BRI3: variants seen among roughly 807,000 people sequenced by gnomAD.
BRI3 encodes the protein membrane protein BRI3.
A neutral mutation model predicts 12.8 loss-of-function variants in BRI3; 6 were observed. That is an observed-to-expected ratio of 0.47 (90% CI 0.26 to 0.93). The LOEUF (loss-of-function observed/expected upper bound fraction) is 0.93. Ranked by LOEUF, BRI3 falls within the 40% of genes least tolerant of loss-of-function variation. The pLI, the probability that BRI3 is intolerant of heterozygous loss-of-function variation, is 0.15. For missense variants in BRI3, 134 were observed against 171.1 expected, an observed-to-expected ratio of 0.78 and a Z score of 1.21; for synonymous variants, 91 against 76.1, an observed-to-expected ratio of 1.20 and a Z score of -1.02.
chr7:98,315,408 A>G (rs1801037857), downstream of BRI3: 6 of 1,333,908 alleles, frequency 4.5e-6, no homozygotes, highest in Non-Finnish European at 5.8e-6. Flanking sequence ...GGGGCATTTA[A>G]ATATGAAATA....
downstream of BRI3, chr7:98,292,873 G>T (rs188329372): frequency 1.4e-6 from 2 of 1,445,418 alleles, no homozygotes; most frequent in Admixed American, 5.4e-5. Flanking sequence ...AGGAGCTCTC[G>T]GAGGAGATTT....
chr7:98,308,189 G>A (rs1800735350), exon 2 of BRI3: 1 of 569,086 alleles, frequency 1.8e-6, no homozygotes, highest in Non-Finnish European at 3.3e-6. Context: ...GGGTTGATCT[G>A]CACTGCTTTA....
downstream of BRI3, chr7:98,293,340 A>C (rs1227099174): frequency 5.2e-6 from 3 of 573,568 alleles, no homozygotes. Context: ...ATTTATCTTA[A>C]AGGCAGAAAC....
At chr7:98,317,684 C>A in the BRI3 span, among the ~76,000 whole-genome samples, 1 of 151,656 alleles carries the variant, frequency 6.6e-6, no homozygotes, top group Non-Finnish European at 1.5e-5. Context: ...CATTTCACAC[C>A]ATCCTTACAC....
In BRI3 at chr7:98,281,805, A is replaced by G; in HGVS notation, c.10A>G (p.Lys4Glu). 8.2e-7 allele frequency: 1 copy of G among 1,222,450 alleles called. No individual in the cohort carries two copies. The highest frequency in any genetic ancestry group is 3.0e-5 in the South Asian group (1 of 33,352). The allele number at this position is 1,222,450 out of a possible 1,614,324, so 75.7% of individuals were successfully genotyped here. MDH[K>E]PLLQERPPAY... ...GCGCGGCCGGGCCGCCATGGACCACAAGCCGCTGCTGCAGGAGCGGCCGCC... is the reference window on the plus strand; with the variant it reads ...GCGCGGCCGGGCCGCCATGGACCACGAGCCGCTGCTGCAGGAGCGGCCGCC... The change falls in exon 1 of 3, where the codon AAG (lysine) becomes GAG (glutamate). Residue 4 changes from lysine (K) to glutamate (E), a missense_variant. Lys to Glu is a moderately conservative substitution (Grantham distance 56). Coordinates refer to ENST00000297290, the MANE Select transcript of BRI3 (RefSeq NM_015379.5).
intron 2 of BRI3, among the ~76,000 whole-genome samples, chr7:98,287,730 G>A (rs1409159288): frequency 1.3e-5 from 2 of 152,228 alleles, no homozygotes; most frequent in African/African-American, 4.8e-5. Flanking sequence ...TTGGACTTGG[G>A]TCCCAGGCGC....
Position 98,286,568 on chromosome 7 carries a change from G to A in BRI3, c.245+4115G>A, listed in dbSNP as rs530761194. On this transcript the variant is annotated intron_variant, in intron 2 of 2. Transcript: ENST00000297290. ...GGGCTCTTCCGGGTTTGGAAGGGAG[G>A]AGAACTCGAGGCTGTGGGGACCGCA... 2.4e-4 allele frequency among the ~76,000 whole-genome samples: 37 copies of A among 152,224 alleles called. 1 individual carries two copies. The South Asian group carries it at 6.8e-3, about 28-fold the overall frequency.
At chr7:98,306,450 C>T (rs754822606), upstream of BRI3, 20 of 1,614,082 alleles carry the variant, frequency 1.2e-5, no homozygotes, top group Admixed American at 2.5e-4. Context: ...TTGGCGTGGG[C>T]ACGGTCACTG....
At chr7:98,315,233 C>T (rs965854880), downstream of BRI3, among the ~76,000 whole-genome samples, 2 of 152,142 alleles carry the variant, frequency 1.3e-5, no homozygotes, top group African/African-American at 2.4e-5. Context: ...GGGATCCTCC[C>T]ACCTCAGCCT....
At chr7:98,315,325 G>C (rs1263703475), downstream of BRI3, 17 of 717,480 alleles carry the variant, frequency 2.4e-5, no homozygotes, top group Non-Finnish European at 3.4e-5. Context: ...ACAGAGTTTT[G>C]CCATGTTGCC....
chr7:98,312,781 G>A (rs1241105112), downstream of BRI3, among the ~76,000 whole-genome samples: 1 of 152,140 alleles, frequency 6.6e-6, no homozygotes, highest in Non-Finnish European at 1.5e-5. Flanking sequence ...GGGCAGTGCT[G>A]AGGGACGCCC....
chr7:98,299,146 G>C (rs1800310884), intron 1 of BRI3, among the ~76,000 whole-genome samples: 1 of 152,116 alleles, frequency 6.6e-6, no homozygotes, highest in South Asian at 2.1e-4. Context: ...CTCCCGAGTA[G>C]CTGGGATTAC....
chr7:98,315,102 C>T (rs1347925506), downstream of BRI3, among the ~76,000 whole-genome samples: 1 of 152,084 alleles, frequency 6.6e-6, no homozygotes, highest in Non-Finnish European at 1.5e-5. Flanking sequence ...AGGTGAGTGG[C>T]GTGCATGTGT....
the BRI3 span, among the ~76,000 whole-genome samples, chr7:98,318,852 G>A: frequency 6.6e-6 from 1 of 150,870 alleles, no homozygotes; most frequent in African/African-American, 2.4e-5. Context: ...GCTGAGGTAG[G>A]AGAATCGCTG....
At chr7:98,290,178 GTTGTTTT>G (rs1322538258) in intron 2 of BRI3, among the ~76,000 whole-genome samples, 3 of 92,310 alleles carry the variant, frequency 3.2e-5, no homozygotes, top group South Asian at 3.1e-4. Flanking sequence ...GCCTCTCAAG[GTTGTTTT>G]TTTTTTTTTT....
chr7:98,315,289 T>C (rs967955558), downstream of BRI3, among the ~76,000 whole-genome samples: 2 of 148,662 alleles, frequency 1.3e-5, no homozygotes, highest in Non-Finnish European at 3.0e-5. Flanking sequence ...GCCTGGCTAG[T>C]TTTTTTTTTA....
chr7:98,292,590 G>A (rs1472904765), downstream of BRI3: 2 of 1,535,670 alleles, frequency 1.3e-6, no homozygotes, highest in East Asian at 4.9e-5. Context: ...ATAGGGCCAG[G>A]TTCCGAGGGC....
chr7:98,282,611 C>A (rs1799563780), intron 2 of BRI3, 158 bp downstream of exon 2: 5 of 644,270 alleles, frequency 7.8e-6, no homozygotes, highest in African/African-American at 1.8e-5. Context: ...TGCCCGAATG[C>A]GGTGTGGGAG....
At chr7:98,288,903 T>C (rs1562958198) in intron 2 of BRI3, among the ~76,000 whole-genome samples, 1 of 151,980 alleles carries the variant, frequency 6.6e-6, no homozygotes, top group East Asian at 1.9e-4. Flanking sequence ...CACTGGAGAT[T>C]GCTGAAGGGA....
Sources: gnomAD v4.1 joint callset for allele counts (sites outside exome capture counted in the v4.1 genomes callset) on GRCh38, gnomAD v4.1.1 for gene constraint, MANE v1.5 for transcripts, NCBI Gene and HGNC (gene_info 2026-07-23, HGNC 2026-07-21) for gene names.